Variants in LMTK3 observed in about 807,000 individuals in gnomAD.
LMTK3 encodes the protein lemur tail kinase 3.
Under a neutral mutation model 116.7 loss-of-function variants are expected in LMTK3, and 27 were observed. The observed-to-expected ratio is 0.23, with a 90% CI of 0.17 to 0.32. The LOEUF (loss-of-function observed/expected upper bound fraction) is 0.32, where lower values mean the gene tolerates loss of function less well. Among genes scored for constraint, LMTK3 ranks in the 10% least tolerant of loss-of-function variants. The probability of loss-of-function intolerance (pLI) is 1.00; values close to 1 mark genes in which losing one functional copy is unlikely to be tolerated. For missense variants in LMTK3, 1,764 were observed against 2,068.5 expected, an observed-to-expected ratio of 0.85 and a Z score of 2.86; for synonymous variants, 965 against 971.0, an observed-to-expected ratio of 0.99 and a Z score of 0.11.
chr19:48,508,030 T>C (rs1972598853), intron 5 of LMTK3, among the ~76,000 whole-genome samples: 1 of 151,932 alleles, frequency 6.6e-6, no homozygotes, highest in African/African-American at 2.4e-5. Flanking sequence ...CAAGGAGTGA[T>C]ATTCTAGAGA....
In LMTK3 at chr19:48,491,335, A is replaced by AC. The variant is rs1197202647; in HGVS notation, c.4228+68dup. 3 of 487,948 alleles carry AC rather than the reference A, an allele frequency of 6.1e-6. No homozygotes were observed. The highest frequency in any genetic ancestry group is 2.5e-5 in the African/African-American group (1 of 40,766). 30.2% of individuals were successfully genotyped at this position (487,948 alleles called of 1,614,324 possible). A position where few individuals can be genotyped will look rare whatever the true frequency, so the allele number is the denominator to read the frequency against. On this transcript the variant is annotated intron_variant, in intron 13 of 14. Transcript: ENST00000600059. The surrounding 1 kb of genome is among the most constrained non-coding windows in gnomAD (Gnocchi z 5.1). ...CGCCCCTCCCGACCAAGCCCCTCCC[A>AC]CCCCATAGACCCCGCCCCGTCCGCC...
rs1972629522 is a variant in LMTK3 at position 48,509,967 on chromosome 19, A to T, written c.361+56T>A. On this transcript the variant is annotated intron_variant, in intron 3 of 14. Transcript: ENST00000600059. ...CAGCCCCTGAAGGAACACACTCAAC[A>T]TCTTCTGGCCTTTCCCGGGACACCA... is the stretch of plus-strand genomic sequence containing the variant. 7.5e-6 allele frequency: 12 copies of T among 1,594,912 alleles called. No individual in the cohort carries two copies. In the Admixed American group the frequency reaches 1.7e-4, roughly 22 times the overall value.
intron 14 of LMTK3, among the ~76,000 whole-genome samples, chr19:48,486,794 C>T (rs571923111): frequency 3.0e-4 from 46 of 152,118 alleles, no homozygotes; most frequent in African/African-American, 1.0e-3. Context: ...ACCTCAGCCT[C>T]CCAAAGTGCT....
At chr19:48,504,672 C>T (rs569294510) in intron 5 of LMTK3, among the ~76,000 whole-genome samples, 4 of 152,106 alleles carry the variant, frequency 2.6e-5, no homozygotes, top group South Asian at 4.2e-4. Flanking sequence ...GCCTCAACTC[C>T]GAGTAGTTGG....
At chr19:48,495,798 T>C (rs1405566482) in intron 11 of LMTK3, among the ~76,000 whole-genome samples, 1 of 152,252 alleles carries the variant, frequency 6.6e-6, no homozygotes, top group East Asian at 1.9e-4. Context: ...CTCCCAGAGA[T>C]TCTGCTGGAA....
rs2147545562 is a variant in LMTK3 at position 48,499,124 on chromosome 19, A to G, written c.1945T>C (p.Ser649Pro). Residue 649 changes from serine (S) to proline (P), a missense_variant, in exon 11 of 15, where the codon TCC becomes CCC. Physicochemically the swap from Ser to Pro is moderately conservative, Grantham distance 74. This residue lies in a region of LMTK3 where 1,028 missense variants were observed against 1,050.6 expected (regional missense o/e 0.98). Transcript: ENST00000600059. ...EEEEEEEEGS[S>P]PGEDSSSLGG... ...AGGCTGCTGCTGTCTTCCCCTGGGG[A>G]GCTGCCCTCCTCCTCCTCCTCTTCT... is the stretch of plus-strand genomic sequence containing the variant. 1 of 1,553,356 alleles carries G rather than the reference A, an allele frequency of 6.4e-7. No individual in the cohort carries two copies. The highest frequency in any genetic ancestry group is 8.7e-7 in the Non-Finnish European group (1 of 1,153,518).
chr19:48,488,874 G>A (rs1972171995), intron 14 of LMTK3, among the ~76,000 whole-genome samples: 1 of 152,000 alleles, frequency 6.6e-6, no homozygotes, highest in African/African-American at 2.4e-5. Context: ...CAAGTAGCTG[G>A]GATTACAGGC....
rs1346339043 is a variant in LMTK3 at position 48,500,347 on chromosome 19, C to T, written c.1152-430G>A. Among the ~76,000 whole-genome samples, 1 of 152,022 alleles carries T rather than the reference C, an allele frequency of 6.6e-6. No individual in the cohort carries two copies. The highest frequency in any genetic ancestry group is 1.5e-5 in the Non-Finnish European group (1 of 68,020). ...GCTGAGGCAGGAGAACCGCTTGAACCCGGGAGGCGGAGGTTGCAGTGAGCC... is the reference window on the plus strand; with the variant it reads ...GCTGAGGCAGGAGAACCGCTTGAACTCGGGAGGCGGAGGTTGCAGTGAGCC... On this transcript the variant is annotated intron_variant, in intron 10 of 14. Coordinates refer to ENST00000600059, the MANE Select transcript of LMTK3 (RefSeq NM_001388485.1). This position sits in a 1 kb window ranked among gnomAD's most constrained non-coding sequence, Gnocchi z 4.0.
Position 48,485,527 on chromosome 19 carries a change from G to T in LMTK3, c.*246C>A. 1.8e-6 allele frequency: 1 copy of T among 547,488 alleles called. No homozygotes were observed. The highest frequency in any genetic ancestry group is 3.3e-6 in the Non-Finnish European group (1 of 306,182). The allele number at this position is 547,488 out of a possible 1,614,324, so 33.9% of individuals were successfully genotyped here. On this transcript the variant is annotated 3_prime_UTR_variant, in exon 15 of 15. Coordinates refer to ENST00000600059, the MANE Select transcript of LMTK3 (RefSeq NM_001388485.1). The stretch of plus-strand genomic sequence containing the variant: ...AAGGCGGCTCTCTATGGAGGGGCGG[G>T]GGGATTCCTGCCTCATTTGGCTCCG...
intron 5 of LMTK3, 32 bp from the exon 6 acceptor site, chr19:48,503,028 G>A (rs1389357664): frequency 1.4e-6 from 2 of 1,381,586 alleles, no homozygotes; most frequent in South Asian, 2.4e-5. Context: ...GAGTTGGGAA[G>A]GCAGCCCCTT....
chr19:48,485,637 T>C lies in LMTK3; in HGVS notation c.*136A>G. 1 of 689,424 alleles carries C rather than the reference T, an allele frequency of 1.5e-6. No individual in the cohort carries two copies. The highest frequency in any genetic ancestry group is 2.1e-6 in the Non-Finnish European group (1 of 479,162). The allele number at this position is 689,424 out of a possible 1,614,324, so 42.7% of individuals were successfully genotyped here. On this transcript the variant is annotated 3_prime_UTR_variant, in exon 15 of 15. Transcript: ENST00000600059. Reference sequence around the variant, plus strand: ...TCCCGTTTGGCACATGGTAGGGGAGTGGGAGGGGGAGGGCCCAGCCTCGGG... The same window carrying C: ...TCCCGTTTGGCACATGGTAGGGGAGCGGGAGGGGGAGGGCCCAGCCTCGGG...
intron 1 of LMTK3, 127 bp downstream of exon 1, chr19:48,511,374 C>T (rs994267805): frequency 9.3e-6 from 4 of 430,106 alleles, no homozygotes; most frequent in Non-Finnish European, 1.6e-5. Flanking sequence ...CGCTCCGGGC[C>T]CTGCTGGGCT....
chr19:48,499,120 G>T lies in LMTK3; in HGVS notation c.1949C>A (p.Pro650Gln). The change falls in exon 11 of 15, where the codon CCA (proline) becomes CAA (glutamine). Residue 650 changes from proline to glutamine, a missense_variant. Physicochemically the swap from Pro to Gln is moderately conservative, Grantham distance 76. Around this residue, in one of 7 missense-constraint regions of LMTK3, gnomAD observed 1,028 missense variants for 1,050.6 expected, o/e 0.98. Coordinates refer to ENST00000600059, the MANE Select transcript of LMTK3 (RefSeq NM_001388485.1). ...TCCAAGGCTGCTGCTGTCTTCCCCT[G>T]GGGAGCTGCCCTCCTCCTCCTCCTC... Reference protein sequence around the residue: ...EEEEEEEGSSPGEDSSSLGGG... With the variant: ...EEEEEEEGSSQGEDSSSLGGG... 1 of 1,558,202 alleles carries T rather than the reference G, an allele frequency of 6.4e-7. No individual in the cohort carries two copies.
In LMTK3 at chr19:48,490,524, C is replaced by CAAAAA. The variant is rs397860073; in HGVS notation, c.4366+579_4366+583dup. Among the ~76,000 whole-genome samples, 184 of 48,074 alleles carry CAAAAA rather than the reference C, an allele frequency of 3.8e-3. 6 individuals are homozygous for CAAAAA. Among genetic ancestry groups the CAAAAA allele is most frequent in the African/African-American group, 0.013 (171 of 13,012 alleles). 31.5% of individuals were successfully genotyped at this position (48,074 alleles called of 152,430 possible). On this transcript the variant is annotated intron_variant, in intron 14 of 14. Coordinates refer to ENST00000600059, the MANE Select transcript of LMTK3 (RefSeq NM_001388485.1). ...TGGGCGACAGAGCGAGACTCCGTCT[C>CAAAAA]AAAAAAAAAAAAAAAAAAAAAAAAA...
At chr19:48,490,408 C>T (rs1429501505) in intron 14 of LMTK3, among the ~76,000 whole-genome samples, 1 of 151,854 alleles carries the variant, frequency 6.6e-6, no homozygotes, top group Non-Finnish European at 1.5e-5. Flanking sequence ...CTCCTGTGAA[C>T]CCAGCTACTT....
In LMTK3 at chr19:48,496,657, C is replaced by A. The variant is rs189521548; in HGVS notation, c.3676+736G>T. The stretch of plus-strand genomic sequence containing the variant: ...AGAGATGGGGTTTCGCCATGTTGGC[C>A]AGGCTGGTCTCAAACTCCTGACCTC... On this transcript the variant is annotated intron_variant, in intron 11 of 14. Coordinates refer to ENST00000600059, the MANE Select transcript of LMTK3 (RefSeq NM_001388485.1). 2.2e-3 allele frequency among the ~76,000 whole-genome samples: 334 copies of A among 152,298 alleles called. 1 individual carries two copies. The highest frequency in any genetic ancestry group is 3.3e-3 in the Non-Finnish European group (226 of 68,034).
intron 5 of LMTK3, among the ~76,000 whole-genome samples, chr19:48,507,476 G>A (rs1434906662): frequency 6.6e-6 from 1 of 152,188 alleles, no homozygotes; most frequent in East Asian, 1.9e-4. Flanking sequence ...TGCGAAGGTG[G>A]GAATCTTCTG....
At chr19:48,504,365 A>C (rs1972527067) in intron 5 of LMTK3, among the ~76,000 whole-genome samples, 1 of 152,002 alleles carries the variant, frequency 6.6e-6, no homozygotes, top group Non-Finnish European at 1.5e-5. Flanking sequence ...CCACTTTCCT[A>C]GGTGTGTCAT....
Position 48,491,975 on chromosome 19 carries a change from AC to A in LMTK3, c.4093-437del, listed in dbSNP as rs1210757543. On this transcript the variant is annotated intron_variant, in intron 12 of 14. Coordinates refer to ENST00000600059, the MANE Select transcript of LMTK3 (RefSeq NM_001388485.1). This position sits in a 1 kb window ranked among gnomAD's most constrained non-coding sequence, Gnocchi z 5.1. ...AGCGCATGCCGTGCTGGATGCTGTG[AC>A]CCTGCCCCTGAGCCCTCCCTCAGAA... Among the ~76,000 whole-genome samples the A allele has an allele frequency of 4.6e-5, 7 of 150,754 alleles. No homozygotes were observed. The highest frequency in any genetic ancestry group is 1.5e-4 in the African/African-American group (6 of 40,850).
Sources: allele counts gnomAD v4.1 joint callset (sites outside exome capture counted in the v4.1 genomes callset), GRCh38; gene constraint gnomAD v4.1.1; regional missense constraint gnomAD v4.1.1; non-coding constraint Gnocchi (gnomAD v3.1); transcripts MANE v1.5; gene names NCBI Gene and HGNC (gene_info 2026-07-23, HGNC 2026-07-21).